Variants in DECR2 observed in about 807,000 individuals in gnomAD.
DECR2 encodes the protein peroxisomal 2,4-dienoyl-CoA reductase [(3E)-enoyl-CoA-producing].
Under a neutral mutation model 29.2 loss-of-function variants are expected in DECR2, and 34 were observed. That is an observed-to-expected ratio of 1.16 (90% CI 0.89 to 1.55). The LOEUF (loss-of-function observed/expected upper bound fraction) is 1.55. Among genes scored for constraint, DECR2 ranks in the 40% most tolerant of loss-of-function variants. The pLI, the probability that DECR2 is intolerant of heterozygous loss-of-function variation, is 0.00. For synonymous variants in DECR2, 224 were observed against 182.7 expected (o/e 1.23, Z -1.82); for missense variants, 485 against 425.3 (o/e 1.14, Z -1.23).
intron 1 of DECR2, chr16:402,985 AG>A (rs2054685560): frequency 1.0e-6 from 1 of 979,888 alleles, no homozygotes; most frequent in East Asian, 1.1e-4. Context: ...TCTCAAAAAA[AG>A]AAAACAAGTT....
intron 4 of DECR2, among the ~76,000 whole-genome samples, chr16:408,664 C>T (rs562742658): frequency 5.3e-5 from 8 of 151,978 alleles, no homozygotes; most frequent in Middle Eastern, 3.4e-3. Flanking sequence ...TGTGCCATCA[C>T]GCCTGGCTAA....
chr16:402,107 C>T lies in DECR2; in HGVS notation c.80+64C>T, dbSNP rs936889523. ...GGGTCCGGTCCGCGGGCGCCGGCGC[C>T]CCCACGTGGTCCCCGAGGGCTCGCG... On this transcript the variant is annotated intron_variant, in intron 1 of 8. Transcript: ENST00000219481. The T allele has an allele frequency of 6.3e-6, 8 of 1,277,790 alleles. No homozygotes were observed. In the Admixed American group the frequency reaches 1.3e-4, roughly 20 times the overall value. The allele number at this position is 1,277,790 out of a possible 1,614,324, so 79.2% of individuals were successfully genotyped here.
intron 2 of DECR2, chr16:405,693 G>A: frequency 3.8e-6 from 4 of 1,062,922 alleles, no homozygotes; most frequent in Non-Finnish European, 5.2e-6. Flanking sequence ...TTTGTGGGCA[G>A]AAGCGTAGTC....
chr16:410,559 C>G lies in DECR2; in HGVS notation c.463-132C>G, dbSNP rs2054803155. The stretch of plus-strand genomic sequence containing the variant: ...GGCCTCCCCATGACGGCCGCCCGCT[C>G]CCTGCCCTGGGCCTCCCCCTGACGG... On this transcript the variant is annotated intron_variant, in intron 5 of 8. Coordinates refer to ENST00000219481, the MANE Select transcript of DECR2 (RefSeq NM_020664.4). This position sits in a 1 kb window ranked among gnomAD's most constrained non-coding sequence, Gnocchi z 4.1. 2 of 1,417,080 alleles carry G rather than the reference C, an allele frequency of 1.4e-6. No homozygotes were observed. The highest frequency in any genetic ancestry group is 1.9e-6 in the Non-Finnish European group (2 of 1,033,100). The allele number at this position is 1,417,080 out of a possible 1,614,324, so 87.8% of individuals were successfully genotyped here. A position where few individuals can be genotyped will look rare whatever the true frequency, so the allele number is the denominator to read the frequency against.
intron 1 of DECR2, among the ~76,000 whole-genome samples, chr16:402,661 A>T (rs954426456): frequency 6.6e-6 from 1 of 150,784 alleles, no homozygotes; most frequent in Non-Finnish European, 1.5e-5. Flanking sequence ...CTTTTTTTCA[A>T]TTGGCAACAT....
chr16:405,689 G>T (rs1049339405), intron 2 of DECR2: 5 of 1,099,084 alleles, frequency 4.5e-6, no homozygotes, highest in Non-Finnish European at 6.2e-6. Context: ...GGAATTTGTG[G>T]GCAGAAGCGT....
At chr16:409,256 C>T (rs981716739) in intron 4 of DECR2, among the ~76,000 whole-genome samples, 9 of 152,100 alleles carry the variant, frequency 5.9e-5, no homozygotes, top group African/African-American at 2.2e-4. Context: ...ACTGCAAGCT[C>T]CGCCTCCCGG....
intron 3 of DECR2, chr16:406,902 G>A: frequency 9.7e-7 from 1 of 1,026,488 alleles, no homozygotes; most frequent in African/African-American, 1.7e-5. Flanking sequence ...GTGAACCACT[G>A]TGCCCAGCCG....
At chr16:403,321 A>C (rs146902058) in intron 1 of DECR2, among the ~76,000 whole-genome samples, 312 of 152,306 alleles carry the variant, frequency 2.0e-3, no homozygotes, top group African/African-American at 6.8e-3. Flanking sequence ...CACCTGGCCC[A>C]AAATTAATCT....
chr16:407,052 G>T, intron 3 of DECR2: 2 of 1,053,886 alleles, frequency 1.9e-6, no homozygotes, highest in Non-Finnish European at 2.3e-6. Context: ...CCCCAAGAAA[G>T]ACCTCTGGGC....
At position 410,964 on chromosome 16, in the gene DECR2, C is replaced by T. The variant is rs1486157562; in HGVS notation, c.557-8C>T. On this transcript the variant is annotated splice_region_variant and splice_polypyrimidine_tract_variant and intron_variant, in intron 6 of 8. Transcript: ENST00000219481. This position sits in a 1 kb window ranked among gnomAD's most constrained non-coding sequence, Gnocchi z 4.1. The stretch of plus-strand genomic sequence containing the variant: ...CGGCCCTTTCATATCCAACTTTCTT[C>T]TGTGCAGACGCGATGACGCGGCACT... 6.3e-6 allele frequency: 10 copies of T among 1,591,550 alleles called. No homozygotes were observed. Among genetic ancestry groups the T allele is most frequent in the Non-Finnish European group, 8.6e-6 (10 of 1,169,150 alleles).
At position 411,080 on chromosome 16, in the gene DECR2, A is replaced by G. The variant is rs1054336300; in HGVS notation, c.661+4A>G. ...ACAGAGGGGCTCCGGCGACTGGGTA[A>G]GGCTCTCAGGGAGCCCAGGCCTCCC... On this transcript the variant is annotated splice_donor_region_variant and intron_variant, in intron 7 of 8. Coordinates refer to ENST00000219481, the MANE Select transcript of DECR2 (RefSeq NM_020664.4). 8 of 1,516,150 alleles carry G rather than the reference A, an allele frequency of 5.3e-6. 1 individual carries two copies. In the African/African-American group the frequency reaches 8.4e-5, roughly 16 times the overall value. 93.9% of individuals were successfully genotyped at this position (1,516,150 alleles called of 1,614,324 possible).
rs2054749890 is a variant in DECR2, at chr16:407,892, CCT to C, written c.337+333_337+334del. Among the ~76,000 whole-genome samples the C allele has an allele frequency of 4.1e-5, 6 of 145,502 alleles. No homozygotes were observed. The South Asian group carries it at 1.3e-3, about 33-fold the overall frequency. ...CTCTCTCCGGCCCCATCTCCGGCCC[CCT>C]GTCTCCGGGCCTCTGTCTCCGGCCC... On this transcript the variant is annotated intron_variant, in intron 4 of 8. Transcript: ENST00000219481.
intron 1 of DECR2, among the ~76,000 whole-genome samples, chr16:402,771 G>A (rs1353951756): frequency 6.6e-6 from 1 of 151,918 alleles, no homozygotes; most frequent in Non-Finnish European, 1.5e-5. Context: ...ATCACCAGAG[G>A]TCAGGAGTTC....
intron 3 of DECR2, 62 bp downstream of exon 3, chr16:406,459 TG>T: frequency 6.3e-7 from 1 of 1,575,058 alleles, no homozygotes. Context: ...GGGCTGGGCC[TG>T]GGCCAGGAGA....
At chr16:408,792 C>T (rs1597204298) in intron 4 of DECR2, among the ~76,000 whole-genome samples, 1 of 151,344 alleles carries the variant, frequency 6.6e-6, no homozygotes, top group African/African-American at 2.4e-5. Flanking sequence ...GCTGGGATTA[C>T]AAGCAAGAGT....
At chr16:409,387 G>T (rs1445910959) in intron 4 of DECR2, among the ~76,000 whole-genome samples, 1 of 145,474 alleles carries the variant, frequency 6.9e-6, no homozygotes, top group Non-Finnish European at 1.5e-5. Context: ...AGCCAGGATG[G>T]TCTCGATCTC....
At position 401,934 on chromosome 16, in the gene DECR2, G is replaced by A; in HGVS notation, c.-30G>A. The A allele has an allele frequency of 6.8e-7, 1 of 1,474,812 alleles. No individual in the cohort carries two copies. Among genetic ancestry groups the A allele is most frequent in the Non-Finnish European group, 8.9e-7 (1 of 1,119,594 alleles). 91.4% of individuals were successfully genotyped at this position (1,474,812 alleles called of 1,614,324 possible). On this transcript the variant is annotated 5_prime_UTR_variant, in exon 1 of 9. Transcript: ENST00000219481. Reference sequence around the variant, plus strand: ...CTGGAGGCCGAGGCCGCTCCCGCCCGTTGTCCCCGCAGTCCCCGACGGGAG... The same window carrying A: ...CTGGAGGCCGAGGCCGCTCCCGCCCATTGTCCCCGCAGTCCCCGACGGGAG...
At position 405,720 on chromosome 16, in the gene DECR2, C is replaced by T. The variant is rs1045930739; in HGVS notation, c.150-626C>T. On this transcript the variant is annotated intron_variant, in intron 2 of 8. Coordinates refer to ENST00000219481, the MANE Select transcript of DECR2 (RefSeq NM_020664.4). ...AGCGTAGTCTTGGGTGGCTGTGAGA[C>T]GGGCGTCTCCATGCTGTTACCCCCA... 6.9e-6 allele frequency: 5 copies of T among 720,872 alleles called. No homozygotes were observed. The Admixed American group carries it at 9.6e-5, about 14-fold the overall frequency. The allele number at this position is 720,872 out of a possible 1,614,324, so 44.7% of individuals were successfully genotyped here.
Sources: allele counts gnomAD v4.1 joint callset (sites outside exome capture counted in the v4.1 genomes callset), GRCh38; gene constraint gnomAD v4.1.1; non-coding constraint Gnocchi (gnomAD v3.1); transcripts MANE v1.5; gene names NCBI Gene and HGNC (gene_info 2026-07-23, HGNC 2026-07-21).